Variants in FRMD5 observed in about 807,000 individuals in gnomAD.
FRMD5 encodes FERM domain containing 5.
Under a neutral mutation model 69.0 loss-of-function variants are expected in FRMD5, and 20 were observed. The ratio of observed to expected loss-of-function variants is 0.29; its 90% CI spans 0.20 to 0.42. The LOEUF (loss-of-function observed/expected upper bound fraction) is 0.42, where lower values mean the gene tolerates loss of function less well. Ranked by LOEUF, FRMD5 falls within the 10% of genes least tolerant of loss-of-function variation. FRMD5 has a pLI of 1.00. For synonymous variants in FRMD5, 271 were observed against 260.1 expected (o/e 1.04, Z -0.40); for missense variants, 595 against 708.6 (o/e 0.84, Z 1.82).
At chr15:43,938,938 T>G (rs1404528468) in intron 1 of FRMD5, among the ~76,000 whole-genome samples, 1 of 152,126 alleles carries the variant, frequency 6.6e-6, no homozygotes, top group Non-Finnish European at 1.5e-5. Context: ...CTTGACTCAG[T>G]GCAACCTCCG....
chr15:44,041,800 T>C (rs552468628), intron 1 of FRMD5, among the ~76,000 whole-genome samples: 5 of 152,312 alleles, frequency 3.3e-5, no homozygotes, highest in East Asian at 1.9e-4. Flanking sequence ...GGGAAATTTA[T>C]AGGACTAGAT....
intron 1 of FRMD5, among the ~76,000 whole-genome samples, chr15:43,959,303 G>A (rs1348498911): frequency 1.3e-5 from 2 of 152,152 alleles, no homozygotes; most frequent in South Asian, 4.1e-4. Context: ...ACTAAATAAA[G>A]AGCCTTTTAG....
chr15:44,105,169 C>T (rs963249677), intron 1 of FRMD5, among the ~76,000 whole-genome samples: 18 of 151,702 alleles, frequency 1.2e-4, no homozygotes, highest in Non-Finnish European at 2.4e-4. Flanking sequence ...CTCGATGTCC[C>T]AGGCTCAAGT....
At chr15:43,876,739 T>C (rs1363720803) in intron 13 of FRMD5, among the ~76,000 whole-genome samples, 2 of 152,230 alleles carry the variant, frequency 1.3e-5, no homozygotes, top group African/African-American at 2.4e-5. Context: ...TCTGCTCTTC[T>C]TGAGGGGGCA....
intron 1 of FRMD5, among the ~76,000 whole-genome samples, chr15:44,185,933 T>C (rs1294850693): frequency 6.6e-6 from 1 of 152,068 alleles, no homozygotes; most frequent in Non-Finnish European, 1.5e-5. Flanking sequence ...TTTTGTCTGT[T>C]TGTTTGTTTT....
intron 1 of FRMD5, among the ~76,000 whole-genome samples, chr15:44,113,323 A>G (rs1020679189): frequency 6.6e-6 from 1 of 152,236 alleles, no homozygotes; most frequent in African/African-American, 2.4e-5. Flanking sequence ...TCTTGGAAAC[A>G]TGGACTTTGA....
At chr15:44,195,617 G>A (rs901814998), upstream of FRMD5, among the ~76,000 whole-genome samples, 1 of 152,212 alleles carries the variant, frequency 6.6e-6, no homozygotes, top group African/African-American at 2.4e-5. Flanking sequence ...CTCGCACCCT[G>A]CAACACCGCG....
intron 1 of FRMD5, among the ~76,000 whole-genome samples, chr15:44,007,716 G>A (rs943443671): frequency 1.6e-5 from 2 of 121,774 alleles, no homozygotes; most frequent in Admixed American, 2.4e-4. Context: ...CGTGATCTTG[G>A]CTCACCGCAA....
intron 1 of FRMD5, among the ~76,000 whole-genome samples, chr15:44,029,767 T>C (rs745917971): frequency 6.6e-6 from 1 of 152,158 alleles, no homozygotes; most frequent in Non-Finnish European, 1.5e-5. Flanking sequence ...AACAGATGCT[T>C]AGAGATTCCG....
intron 1 of FRMD5, among the ~76,000 whole-genome samples, chr15:44,042,537 C>G (rs566200268): frequency 6.6e-6 from 1 of 152,282 alleles, no homozygotes; most frequent in South Asian, 2.1e-4. Context: ...CAATAAAATA[C>G]TGGCAAACTG....
At position 43,905,870 on chromosome 15, in the gene FRMD5, T is replaced by C; in HGVS notation, c.509A>G (p.Lys170Arg). The C allele has an allele frequency of 6.2e-7, 1 of 1,614,244 alleles. No homozygotes were observed. The highest frequency in any genetic ancestry group is 1.1e-5 in the South Asian group (1 of 91,088). ...AATCTCAGCAATTTTCCTTTCCAGC[T>C]TCTCTGAATGTTTAGGGAAAAACTG... ...KFQFFPKHSE[K>R]LERKIAEIHK... Residue 170 changes from lysine to arginine, a missense_variant, in exon 6 of 14, where the codon AAG becomes AGG. This residue lies in a region of FRMD5 where 51 missense variants were observed against 41.7 expected (regional missense o/e 1.22). Transcript: ENST00000417257.
chr15:44,049,105 G>A (rs1307314125), intron 1 of FRMD5, among the ~76,000 whole-genome samples: 1 of 152,170 alleles, frequency 6.6e-6, no homozygotes, highest in Non-Finnish European at 1.5e-5. Flanking sequence ...GTTATCCATA[G>A]AAATGAGGGA....
At chr15:44,066,936 G>A (rs1893335374) in intron 1 of FRMD5, among the ~76,000 whole-genome samples, 1 of 152,146 alleles carries the variant, frequency 6.6e-6, no homozygotes, top group Admixed American at 6.5e-5. Context: ...AAAGACCTGA[G>A]ATTGTATGAA....
At chr15:44,146,328 T>C (rs1266041576) in intron 1 of FRMD5, among the ~76,000 whole-genome samples, 3 of 152,200 alleles carry the variant, frequency 2.0e-5, no homozygotes, top group Non-Finnish European at 4.4e-5. Context: ...AAGGACATGA[T>C]CTCATTCCTT....
chr15:44,063,512 T>C (rs1048744698), intron 1 of FRMD5: 2 of 435,354 alleles, frequency 4.6e-6, no homozygotes, highest in Admixed American at 2.5e-5. Context: ...TGGGACACCA[T>C]GGTGAAGGTG....
intron 1 of FRMD5, among the ~76,000 whole-genome samples, chr15:44,186,303 C>G (rs1260610642): frequency 6.6e-6 from 1 of 152,154 alleles, no homozygotes; most frequent in African/African-American, 2.4e-5. Context: ...GCACCTCCTG[C>G]CTAGAGTATT....
intron 1 of FRMD5, among the ~76,000 whole-genome samples, chr15:44,012,191 T>C (rs1890749533): frequency 6.6e-6 from 1 of 152,236 alleles, no homozygotes; most frequent in Non-Finnish European, 1.5e-5. Context: ...GTTCACATTT[T>C]GTTTCTCAAG....
chr15:44,119,484 A>T (rs572440631), intron 1 of FRMD5, among the ~76,000 whole-genome samples: 1 of 152,154 alleles, frequency 6.6e-6, no homozygotes, highest in Non-Finnish European at 1.5e-5. Flanking sequence ...TATTTTAGGC[A>T]ATCTGGTGCT....
At chr15:43,909,591 G>A (rs1468267357) in intron 5 of FRMD5, among the ~76,000 whole-genome samples, 1 of 151,944 alleles carries the variant, frequency 6.6e-6, no homozygotes, top group African/African-American at 2.4e-5. Flanking sequence ...AGCAATTCTT[G>A]CACCTTGGCC....
Sources: allele counts gnomAD v4.1 joint callset (sites outside exome capture counted in the v4.1 genomes callset), GRCh38; gene constraint gnomAD v4.1.1; regional missense constraint gnomAD v4.1.1; transcripts MANE v1.5; gene names NCBI Gene and HGNC (gene_info 2026-07-23, HGNC 2026-07-21).